FAM13C: variants seen among roughly 807,000 people sequenced by gnomAD.
FAM13C encodes protein FAM13C.
A neutral mutation model predicts 73.2 loss-of-function variants in FAM13C; 37 were observed. The observed-to-expected ratio is 0.51, with a 90% CI of 0.39 to 0.67. FAM13C has a LOEUF of 0.67. Ranked by LOEUF, FAM13C falls within the 30% of genes least tolerant of loss-of-function variation. The probability of loss-of-function intolerance (pLI) is 0.00; values close to 1 mark genes in which losing one functional copy is unlikely to be tolerated. For missense variants in FAM13C, 589 were observed against 715.6 expected (o/e 0.82, Z 2.02); for synonymous variants, 246 against 260.9 (o/e 0.94, Z 0.55).
chr10:59,275,112 G>A (rs1486319038), intron 6 of FAM13C, among the ~76,000 whole-genome samples: 1 of 152,216 alleles, frequency 6.6e-6, no homozygotes, highest in Non-Finnish European at 1.5e-5. Context: ...TTTATGAGCA[G>A]AAGCACTATG....
chr10:59,279,035 A>G (rs1017941990), intron 6 of FAM13C, among the ~76,000 whole-genome samples: 2 of 152,238 alleles, frequency 1.3e-5, no homozygotes, highest in African/African-American at 4.8e-5. Flanking sequence ...ATGCTTTCCT[A>G]TTCTAGAAAT....
intron 3 of FAM13C, among the ~76,000 whole-genome samples, chr10:59,324,450 T>A (rs756646379): frequency 1.3e-5 from 2 of 152,100 alleles, no homozygotes; most frequent in Non-Finnish European, 2.9e-5. Flanking sequence ...TAGAAGAATA[T>A]TTATACTATA....
At chr10:59,353,350 C>G (rs1221735779) in intron 2 of FAM13C, among the ~76,000 whole-genome samples, 3 of 152,146 alleles carry the variant, frequency 2.0e-5, no homozygotes, top group Admixed American at 6.5e-5. Context: ...CAAGCAAACA[C>G]CACAGACATA....
intron 5 of FAM13C, among the ~76,000 whole-genome samples, chr10:59,298,903 A>G (rs1847232112): frequency 6.6e-6 from 1 of 152,186 alleles, no homozygotes; most frequent in Non-Finnish European, 1.5e-5. Context: ...TATAAGTGGA[A>G]TCTAAAAAAG....
At chr10:59,269,740 A>G (rs866421427) in intron 7 of FAM13C, among the ~76,000 whole-genome samples, 159 bp downstream of exon 7, 13 of 145,616 alleles carry the variant, frequency 8.9e-5, no homozygotes, top group Non-Finnish European at 1.9e-4. Flanking sequence ...GGCATCCCCA[A>G]CTAGCAAGTA....
intron 4 of FAM13C, among the ~76,000 whole-genome samples, chr10:59,310,136 A>G (rs1017637820): frequency 3.3e-5 from 5 of 152,176 alleles, no homozygotes; most frequent in Non-Finnish European, 7.3e-5. Flanking sequence ...ATAGAATCAG[A>G]GCCTTAGAAC....
intron 5 of FAM13C, among the ~76,000 whole-genome samples, chr10:59,298,733 G>A (rs1285401293): frequency 6.6e-6 from 1 of 152,184 alleles, no homozygotes; most frequent in Non-Finnish European, 1.5e-5. Flanking sequence ...TCAGATGGTG[G>A]GTTGGCCAGG....
intron 3 of FAM13C, among the ~76,000 whole-genome samples, chr10:59,341,848 C>T (rs756294833): frequency 9.9e-5 from 15 of 152,130 alleles, no homozygotes; most frequent in Non-Finnish European, 1.8e-4. Context: ...AATTCAAGCA[C>T]ATCAGTTACC....
chr10:59,265,238 T>C lies in FAM13C; in HGVS notation c.943-1072A>G, dbSNP rs560815939. On this transcript the variant is annotated intron_variant, in intron 8 of 13. Transcript: ENST00000618804. ...TTTAAAATTAAAATAGAAAAGAAGA[T>C]TGACAATGTTTCTTTCCTAGAAGAG... is the stretch of plus-strand genomic sequence containing the variant. Among the ~76,000 whole-genome samples the C allele has an allele frequency of 2.0e-5, 3 of 150,018 alleles. No homozygotes were observed. The East Asian group carries it at 6.0e-4, about 30-fold the overall frequency.
At chr10:59,312,296 A>G (rs1849023702) in intron 4 of FAM13C, among the ~76,000 whole-genome samples, 1 of 152,184 alleles carries the variant, frequency 6.6e-6, no homozygotes, top group Non-Finnish European at 1.5e-5. Context: ...AGGGGATTTG[A>G]GTAGGCATTA....
At chr10:59,343,393 G>A (rs541254729) in intron 3 of FAM13C, among the ~76,000 whole-genome samples, 2 of 141,450 alleles carry the variant, frequency 1.4e-5, no homozygotes, top group East Asian at 4.1e-4. Flanking sequence ...TCAGTAGTGT[G>A]AAGGGCTAGA....
At chr10:59,281,379 G>T (rs1844904085) in intron 6 of FAM13C, among the ~76,000 whole-genome samples, 1 of 152,120 alleles carries the variant, frequency 6.6e-6, no homozygotes, top group South Asian at 2.1e-4. Flanking sequence ...CATAATTTAA[G>T]TCACAAAGGC....
At chr10:59,326,746 C>T (rs1390733249) in intron 3 of FAM13C, among the ~76,000 whole-genome samples, 4 of 152,146 alleles carry the variant, frequency 2.6e-5, no homozygotes, top group Non-Finnish European at 5.9e-5. Flanking sequence ...CCTTCAGATG[C>T]TTCTAATTTC....
intron 4 of FAM13C, among the ~76,000 whole-genome samples, chr10:59,319,684 G>A (rs1849966993): frequency 6.6e-6 from 1 of 152,184 alleles, no homozygotes; most frequent in Non-Finnish European, 1.5e-5. Context: ...GGTTCTATTA[G>A]TAAGGGAAGA....
chr10:59,247,614 T>C lies in FAM13C; in HGVS notation c.1758A>G (p.Ter586TrpextTer15). 1 of 1,613,280 alleles carries C rather than the reference T, an allele frequency of 6.2e-7. No individual in the cohort carries two copies. Among genetic ancestry groups the C allele is most frequent in the African/African-American group, 1.3e-5 (1 of 75,012 alleles). Residue 586 changes from the stop codon to tryptophan (W), a stop_lost, in exon 14 of 14, where the codon TGA (stop) becomes TGG (tryptophan). Transcript: ENST00000618804. ...AAGTGATCATAACATTTCCTGAACC[T>C]CAAATAGTTTTGGCCACATCTTGCT... ...ISKQDVAKTI* is the reference protein window; with the variant it reads ...ISKQDVAKTIW
At chr10:59,329,118 T>C (rs1851579607) in intron 3 of FAM13C, among the ~76,000 whole-genome samples, 1 of 152,088 alleles carries the variant, frequency 6.6e-6, no homozygotes, top group African/African-American at 2.4e-5. Flanking sequence ...TTCAAAAATG[T>C]GTGTCTATTA....
At chr10:59,338,303 C>T (rs1165869516) in intron 3 of FAM13C, among the ~76,000 whole-genome samples, 1 of 152,116 alleles carries the variant, frequency 6.6e-6, no homozygotes, top group Non-Finnish European at 1.5e-5. Flanking sequence ...AGATAACATG[C>T]CTGTCCCAAG....
intron 9 of FAM13C, among the ~76,000 whole-genome samples, chr10:59,262,864 G>A (rs554540772): frequency 6.6e-6 from 1 of 152,162 alleles, no homozygotes; most frequent in Non-Finnish European, 1.5e-5. Context: ...TCTCATGGAG[G>A]TGGAGGGTAT....
Position 59,270,068 on chromosome 10 carries a change from T to A in FAM13C, c.634A>T (p.Ser212Cys). The part of the protein sequence containing the change: ...VHKDGQNEAD[S>C]APEDLHSVGT... ...ACAGAGTGGAGGTCTTCTGGTGCACTGTCGGCCTCATTCTGCCCATCTTTG... is the reference window on the plus strand; with the variant it reads ...ACAGAGTGGAGGTCTTCTGGTGCACAGTCGGCCTCATTCTGCCCATCTTTG... The change falls in exon 7 of 14, where the codon AGT (serine) becomes TGT (cysteine). Residue 212 changes from serine (S) to cysteine (C), a missense_variant. By Grantham distance (112) the Ser-to-Cys change is moderately radical. Coordinates refer to ENST00000618804, the MANE Select transcript of FAM13C (RefSeq NM_198215.4). The A allele has an allele frequency of 6.2e-7, 1 of 1,613,630 alleles. No homozygotes were observed. Among genetic ancestry groups the A allele is most frequent in the East Asian group, 2.2e-5 (1 of 44,868 alleles).
Sources: allele counts gnomAD v4.1 joint callset (sites outside exome capture counted in the v4.1 genomes callset), GRCh38; gene constraint gnomAD v4.1.1; transcripts MANE v1.5; gene names NCBI Gene and HGNC (gene_info 2026-07-23, HGNC 2026-07-21).